ABHD5: variants seen among roughly 807,000 people sequenced by gnomAD.
ABHD5 encodes the protein abhydrolase domain containing 5, lysophosphatidic acid acyltransferase, also known as 1-acylglycerol-3-phosphate O-acyltransferase ABHD5.
Under a neutral mutation model 44.9 loss-of-function variants are expected in ABHD5, and 30 were observed. That is an observed-to-expected ratio of 0.67 (90% CI 0.50 to 0.91). ABHD5 has a LOEUF of 0.91. ABHD5 is among the 40% of genes least tolerant of loss of function. The pLI, the probability that ABHD5 is intolerant of heterozygous loss-of-function variation, is 0.00. For missense variants in ABHD5, 399 were observed against 423.4 expected (o/e 0.94, Z 0.50); for synonymous variants, 167 against 147.0 (o/e 1.14, Z -0.99).
intron 2 of ABHD5, 106 bp downstream of exon 2, chr3:43,699,467 GGCAAAATAACTTTTTT>G (rs2084513340): frequency 1.8e-6 from 2 of 1,109,218 alleles, no homozygotes; most frequent in South Asian, 2.6e-5. Context: ...GTTCATTGTT[GGCAAAATAACTTTTTT>G]CCTTTTCCTT....
intron 3 of ABHD5, among the ~76,000 whole-genome samples, chr3:43,711,329 A>G (rs927261831): frequency 5.9e-5 from 9 of 152,328 alleles, no homozygotes; most frequent in East Asian, 5.8e-4. Flanking sequence ...TGCAGTGTCA[A>G]CCTAGACATA....
At chr3:43,693,941 G>A (rs1047835216) in intron 1 of ABHD5, among the ~76,000 whole-genome samples, 2 of 151,880 alleles carry the variant, frequency 1.3e-5, no homozygotes, top group African/African-American at 4.8e-5. Flanking sequence ...GTTTGTGCCT[G>A]ATTCCTCAAA....
At chr3:43,722,932 C>T (rs551005137), downstream of ABHD5, among the ~76,000 whole-genome samples, 144 of 152,152 alleles carry the variant, frequency 9.5e-4, 1 homozygote, top group African/African-American at 3.4e-3. Flanking sequence ...ACTGAAAAGG[C>T]CTAGAAATAA....
intron 7 of ABHD5, among the ~76,000 whole-genome samples, chr3:43,733,440 C>T (rs1211796306): frequency 6.6e-6 from 1 of 152,150 alleles, no homozygotes; most frequent in Non-Finnish European, 1.5e-5. Context: ...TTTGAAAAAA[C>T]AGTTTGGCGC....
chr3:43,706,476 T>C (rs2084621072), intron 3 of ABHD5, among the ~76,000 whole-genome samples: 1 of 152,194 alleles, frequency 6.6e-6, no homozygotes, highest in South Asian at 2.1e-4. Flanking sequence ...TACCTTTTTT[T>C]TTTTTCTTAG....
intron 1 of ABHD5, chr3:43,691,240 C>T (rs931341502): frequency 4.5e-6 from 2 of 444,970 alleles, no homozygotes; most frequent in Admixed American, 4.5e-5. Context: ...CTCCCCTCAG[C>T]GTCGGGGCCC....
chr3:43,703,960 C>T (rs920197745), intron 3 of ABHD5, among the ~76,000 whole-genome samples: 5 of 151,476 alleles, frequency 3.3e-5, no homozygotes, highest in African/African-American at 2.4e-5. Context: ...TGTCAACTGG[C>T]GGACCTGTTC....
At chr3:43,694,867 T>A (rs2084451383) in intron 1 of ABHD5, 1 of 152,210 alleles carries the variant, frequency 6.6e-6, no homozygotes, top group Non-Finnish European at 1.5e-5. Context: ...TGTAGCTGTA[T>A]GAGACCATAT....
At chr3:43,695,430 T>C (rs1035623766) in intron 1 of ABHD5, among the ~76,000 whole-genome samples, 2 of 152,276 alleles carry the variant, frequency 1.3e-5, no homozygotes, top group African/African-American at 4.8e-5. Flanking sequence ...GAGCAATAAG[T>C]TTATGTGATT....
chr3:43,714,296 G>A lies in ABHD5; in HGVS notation c.662-651G>A, dbSNP rs868675717. 1.3e-3 allele frequency among the ~76,000 whole-genome samples: 190 copies of A among 151,958 alleles called. 1 individual carries two copies. The highest frequency in any genetic ancestry group is 4.4e-3 in the African/African-American group (183 of 41,428). ...ATTACAGGTGCACGCCACCACGCCC[G>A]GCTAATTTTTGTATTTTTAGTAGAG... is the stretch of plus-strand genomic sequence containing the variant. On this transcript the variant is annotated intron_variant, in intron 4 of 6. Coordinates refer to ENST00000644371, the MANE Select transcript of ABHD5 (RefSeq NM_016006.6).
At chr3:43,730,936 C>A (rs1430133649) in intron 7 of ABHD5, among the ~76,000 whole-genome samples, 1 of 152,128 alleles carries the variant, frequency 6.6e-6, no homozygotes, top group Non-Finnish European at 1.5e-5. Flanking sequence ...TCAAGCAATT[C>A]TCCTGCCTTA....
intron 2 of ABHD5, 81 bp downstream of exon 2, chr3:43,699,442 A>T: frequency 7.7e-7 from 1 of 1,300,414 alleles, no homozygotes; most frequent in Non-Finnish European, 1.1e-6. Flanking sequence ...AACTGGAGGT[A>T]AGATTCTGTG....
intron 4 of ABHD5, among the ~76,000 whole-genome samples, chr3:43,713,560 G>T (rs1344794922): frequency 6.6e-6 from 1 of 151,966 alleles, no homozygotes; most frequent in East Asian, 1.9e-4. Flanking sequence ...GGTTGAATTG[G>T]TGACCACACT....
At chr3:43,729,800 T>C (rs1240221129) in intron 7 of ABHD5, among the ~76,000 whole-genome samples, 1 of 152,232 alleles carries the variant, frequency 6.6e-6, no homozygotes, top group Non-Finnish European at 1.5e-5. Context: ...CAGCACTGTA[T>C]TCTATGCTAC....
chr3:43,732,604 T>G (rs1177919868), intron 7 of ABHD5, among the ~76,000 whole-genome samples: 1 of 152,210 alleles, frequency 6.6e-6, no homozygotes, highest in Non-Finnish European at 1.5e-5. Context: ...TACTGATTAA[T>G]TAGAACTAAT....
chr3:43,700,580 T>C (rs1285559425), intron 2 of ABHD5, among the ~76,000 whole-genome samples: 1 of 152,066 alleles, frequency 6.6e-6, no homozygotes, highest in Admixed American at 6.5e-5. Flanking sequence ...TCATGAATTT[T>C]TTTTTTTTTT....
At chr3:43,703,634 T>A (rs1314788156) in intron 3 of ABHD5, among the ~76,000 whole-genome samples, 5 of 152,232 alleles carry the variant, frequency 3.3e-5, no homozygotes, top group Non-Finnish European at 7.3e-5. Context: ...CATTTTTGTG[T>A]TGCCAGTGTA....
Position 43,699,348 on chromosome 3 carries a change from G to A in ABHD5, c.120G>A (p.Glu40=), listed in dbSNP as rs2084511641. The A allele has an allele frequency of 2.5e-6, 4 of 1,613,466 alleles. No homozygotes were observed. In the East Asian group the frequency reaches 8.9e-5, roughly 36 times the overall value. ...TATCACACCTTAAAGAAGCTGAAGA[G>A]AAGATGTTAAAATGTAAGGCTTTCT... ...TSISHLKEAE[E]KMLKCVPCTY... Residue 40 remains glutamate (E), a synonymous_variant, in exon 2 of 7, where the codon GAG becomes GAA. Transcript: ENST00000644371.
At chr3:43,693,598 T>A (rs2084430482) in intron 1 of ABHD5, among the ~76,000 whole-genome samples, 1 of 152,196 alleles carries the variant, frequency 6.6e-6, no homozygotes, top group South Asian at 2.1e-4. Flanking sequence ...TCTAGTTTTT[T>A]TCAGTACTTC....
Sources: gnomAD v4.1 joint callset for allele counts (sites outside exome capture counted in the v4.1 genomes callset) on GRCh38, gnomAD v4.1.1 for gene constraint, MANE v1.5 for transcripts, NCBI Gene and HGNC (gene_info 2026-07-23, HGNC 2026-07-21) for gene names.